GRPEL2: variants seen among roughly 807,000 people sequenced by gnomAD.
The protein encoded by GRPEL2 is grpE protein homolog 2, mitochondrial.
A neutral mutation model predicts 25.9 loss-of-function variants in GRPEL2; 18 were observed. The ratio of observed to expected loss-of-function variants is 0.70; its 90% CI spans 0.48 to 1.03. The LOEUF is 1.03. GRPEL2 is among the 50% of genes least tolerant of loss of function. The probability of loss-of-function intolerance (pLI) is 0.00; values close to 1 mark genes in which losing one functional copy is unlikely to be tolerated. For missense variants in GRPEL2, 247 were observed against 276.2 expected (o/e 0.89, Z 0.75); for synonymous variants, 106 against 107.9 (o/e 0.98, Z 0.11).
In GRPEL2 at chr5:149,348,271, G is replaced by C. The variant is rs773174257; in HGVS notation, c.78-1G>C. 1.3e-6 allele frequency: 2 copies of C among 1,588,924 alleles called. No homozygotes were observed. Among genetic ancestry groups the C allele is most frequent in the East Asian group, 4.5e-5 (2 of 44,490 alleles). ...TATGTGCCACCTCCTTCCTGTTTTA[G>C]GGGATGGCCGCTTCCATTCAGCACT... On this transcript the variant is annotated splice_acceptor_variant, in intron 1 of 3. Coordinates refer to ENST00000329271, the MANE Select transcript of GRPEL2 (RefSeq NM_152407.4). LOFTEE classifies it high-confidence loss of function.
Position 149,351,178 on chromosome 5 carries a change from C to G in GRPEL2, c.574C>G (p.Pro192Ala). ...TGTGCCAGCTGGTGTTGGGGTGCAGCCTGGCACCGTGGCATTAGTAAGACA... is the reference window on the plus strand; with the variant it reads ...TGTGCCAGCTGGTGTTGGGGTGCAGGCTGGCACCGTGGCATTAGTAAGACA... ...CHVPAGVGVQPGTVALVRQDG... is the reference protein window; with the variant it reads ...CHVPAGVGVQAGTVALVRQDG... The change falls in exon 4 of 4, where the codon CCT (proline) becomes GCT (alanine). Residue 192 changes from proline (P) to alanine (A), a missense_variant. Physicochemically the swap from Pro to Ala is conservative, Grantham distance 27 (BLOSUM62 -1). Transcript: ENST00000329271. 1 of 1,614,164 alleles carries G rather than the reference C, an allele frequency of 6.2e-7. No individual in the cohort carries two copies. The highest frequency in any genetic ancestry group is 8.5e-7 in the Non-Finnish European group (1 of 1,180,028).
In GRPEL2 at chr5:149,348,316, G is replaced by A; in HGVS notation, c.122G>A (p.Gly41Asp). ...AGCACTGCCACCCAGAGAACTGCTG[G>A]TGAGGACTGCCGTTCTGAGGACCCT... ...PFSTATQRTA[G>D]EDCRSEDPPD... is the part of the protein sequence containing the mutation. The change falls in exon 2 of 4, where the codon GGT becomes GAT. Residue 41 changes from glycine (G) to aspartate (D), a missense_variant. Gly to Asp is a moderately conservative substitution (Grantham distance 94). Coordinates refer to ENST00000329271, the MANE Select transcript of GRPEL2 (RefSeq NM_152407.4). 1 of 1,612,674 alleles carries A rather than the reference G, an allele frequency of 6.2e-7. No individual in the cohort carries two copies. Among genetic ancestry groups the A allele is most frequent in the Non-Finnish European group, 8.5e-7 (1 of 1,179,734 alleles).
intron 3 of GRPEL2, chr5:149,349,965 AC>A: frequency 3.7e-6 from 2 of 542,850 alleles, no homozygotes; most frequent in South Asian, 2.5e-5. Flanking sequence ...AATCACTTGA[AC>A]CCAGGAGGCA....
intron 1 of GRPEL2, 67 bp downstream of exon 1, chr5:149,345,683 G>A: frequency 7.3e-7 from 1 of 1,363,872 alleles, no homozygotes. Flanking sequence ...AGCCGGGGTG[G>A]TTGTGGGCTG....
rs1757794618 is a variant in GRPEL2 at position 149,352,688 on chromosome 5, C to T, written c.*1406C>T. On this transcript the variant is annotated 3_prime_UTR_variant, in exon 4 of 4. Transcript: ENST00000329271. The stretch of plus-strand genomic sequence containing the variant: ...ATCAGTCAGATTTTAGGAAGGCAGT[C>T]AATTATGGATATTTTAATGTTGGAA... The T allele has an allele frequency of 6.6e-6, 1 of 151,978 alleles. No individual in the cohort carries two copies. Among genetic ancestry groups the T allele is most frequent in the African/African-American group, 2.4e-5 (1 of 41,344 alleles). The allele number at this position is 151,978 out of a possible 1,614,324, so 9.4% of individuals were successfully genotyped here.
At chr5:149,349,078 C>T (rs1757734955) in intron 2 of GRPEL2, among the ~76,000 whole-genome samples, 1 of 152,054 alleles carries the variant, frequency 6.6e-6, no homozygotes, top group African/African-American at 2.4e-5. Flanking sequence ...TCACTGCAAC[C>T]TCTGCCTCCC....
At position 149,352,833 on chromosome 5, in the gene GRPEL2, G is replaced by A. The variant is rs568830242; in HGVS notation, c.*1551G>A. The A allele has an allele frequency of 6.6e-6, 1 of 152,206 alleles. No homozygotes were observed. Among genetic ancestry groups the A allele is most frequent in the South Asian group, 2.1e-4 (1 of 4,822 alleles). 9.4% of individuals were successfully genotyped at this position (152,206 alleles called of 1,614,324 possible). A position where few individuals can be genotyped will look rare whatever the true frequency, so the allele number is the denominator to read the frequency against. On this transcript the variant is annotated 3_prime_UTR_variant, in exon 4 of 4. Coordinates refer to ENST00000329271, the MANE Select transcript of GRPEL2 (RefSeq NM_152407.4). The stretch of plus-strand genomic sequence containing the variant: ...ATTGACTAAATTCCAGTGAGAGTAT[G>A]AATGAAGAACAACTAGATATTAATG...
chr5:149,351,147 C>T lies in GRPEL2; in HGVS notation c.543C>T (p.Ile181=), dbSNP rs1348179830. The T allele has an allele frequency of 1.2e-6, 2 of 1,614,098 alleles. No individual in the cohort carries two copies. Among genetic ancestry groups the T allele is most frequent in the East Asian group, 2.2e-5 (1 of 44,896 alleles). Residue 181 remains isoleucine, a synonymous_variant, in exon 4 of 4, where the codon ATC becomes ATT. Transcript: ENST00000329271. ...ATGACCCCCATGAGCATGAACTCAT[C>T]TGTCATGTGCCAGCTGGTGTTGGGG... ...DKYDPHEHEL[I]CHVPAGVGVQ...
At chr5:149,350,744 T>C (rs913731511) in intron 3 of GRPEL2, among the ~76,000 whole-genome samples, 174 bp from the exon 4 acceptor site, 3 of 152,218 alleles carry the variant, frequency 2.0e-5, no homozygotes, top group Non-Finnish European at 2.9e-5. Context: ...AGACACTGAC[T>C]TGTCAGTTGG....
chr5:149,345,550 G>T lies in GRPEL2; in HGVS notation c.11G>T (p.Arg4Leu), dbSNP rs11538722. The T allele has an allele frequency of 2.5e-6, 4 of 1,611,518 alleles. No homozygotes were observed. The African/African-American group carries it at 4.0e-5, about 16-fold the overall frequency. Residue 4 changes from arginine to leucine, a missense_variant, in exon 1 of 4, where the codon CGG (arginine) becomes CTG (leucine). Transcript: ENST00000329271. ...GCCCAAATTGGAAACATGGCCGTAC[G>T]GTCGCTGTGGGCGGGCCGGCTGCGG... MAVRSLWAGRLRVQ... is the reference protein window; with the variant it reads MAVLSLWAGRLRVQ...
intron 1 of GRPEL2, among the ~76,000 whole-genome samples, chr5:149,347,661 A>G (rs549838425): frequency 7.2e-5 from 11 of 152,378 alleles, no homozygotes; most frequent in Non-Finnish European, 1.0e-4. Context: ...ATAGTATTGT[A>G]TAAGTATTTC....
chr5:149,348,475 T>A, intron 2 of GRPEL2, 50 bp downstream of exon 2: 1 of 1,470,176 alleles, frequency 6.8e-7, no homozygotes, highest in Non-Finnish European at 9.2e-7. Flanking sequence ...AGTTTAAATA[T>A]CCACATAAAG....
chr5:149,353,338 G>A lies in GRPEL2; in HGVS notation c.*2056G>A, dbSNP rs1759613588. On this transcript the variant is annotated 3_prime_UTR_variant, in exon 4 of 4. Coordinates refer to ENST00000329271, the MANE Select transcript of GRPEL2 (RefSeq NM_152407.4). ...GAGATTTGACAGATGGTGACAATAA[G>A]AAAATGAGCTGATTGTAATTACTCT... 2.6e-5 allele frequency: 4 copies of A among 152,346 alleles called. No individual in the cohort carries two copies. In the South Asian group the frequency reaches 8.3e-4, roughly 32 times the overall value. 9.4% of individuals were successfully genotyped at this position (152,346 alleles called of 1,614,324 possible).
Position 149,345,602 on chromosome 5 carries a change from C to G in GRPEL2, c.63C>G (p.Ala21=). 1 of 1,610,464 alleles carries G rather than the reference C, an allele frequency of 6.2e-7. No homozygotes were observed. Among genetic ancestry groups the G allele is most frequent in the Non-Finnish European group, 8.5e-7 (1 of 1,178,764 alleles). ...TGCAGCGCCTACTGGCCTGGAGTGC[C>G]GCGTGGGAGAGCAAGTAAGCATTGC... ...LRVQRLLAWS[A]AWESKGWPLP... is the part of the protein sequence containing the mutation. Residue 21 remains alanine, a synonymous_variant, in exon 1 of 4, where the codon GCC becomes GCG. Transcript: ENST00000329271.
chr5:149,345,553 C>G lies in GRPEL2; in HGVS notation c.14C>G (p.Ser5Trp). ...CAAATTGGAAACATGGCCGTACGGT[C>G]GCTGTGGGCGGGCCGGCTGCGGGTG... MAVR[S>W]LWAGRLRVQR... The change falls in exon 1 of 4, where the codon TCG (serine) becomes TGG (tryptophan). Residue 5 changes from serine to tryptophan, a missense_variant. Ser to Trp is a radical substitution (Grantham distance 177, BLOSUM62 -3). Transcript: ENST00000329271. The G allele has an allele frequency of 1.2e-6, 2 of 1,611,614 alleles. No individual in the cohort carries two copies. The highest frequency in any genetic ancestry group is 1.7e-6 in the Non-Finnish European group (2 of 1,179,138).
At chr5:149,345,644 G>C in intron 1 of GRPEL2, 28 bp downstream of exon 1, 1 of 1,574,256 alleles carries the variant, frequency 6.4e-7, no homozygotes, top group African/African-American at 1.4e-5. Context: ...GGAGTCGGGA[G>C]CGTGAGGACT....
chr5:149,348,152 A>G, intron 1 of GRPEL2, 120 bp from the exon 2 acceptor site: 4 of 873,790 alleles, frequency 4.6e-6, no homozygotes, highest in East Asian at 2.6e-5. Flanking sequence ...ATTTGTTACT[A>G]TAACTGAAAA....
At position 149,348,355 on chromosome 5, in the gene GRPEL2, G is replaced by A. The variant is rs139145814; in HGVS notation, c.161G>A (p.Gly54Glu). 242 of 1,613,448 alleles carry A rather than the reference G, an allele frequency of 1.5e-4. 3 individuals carry two copies. The East Asian group carries it at 4.8e-3, about 32-fold the overall frequency. Residue 54 changes from glycine (G) to glutamate (E), a missense_variant, in exon 2 of 4, where the codon GGG becomes GAG. Around this residue, in one of 2 missense-constraint regions of GRPEL2, gnomAD observed 125 missense variants for 107.0 expected, o/e 1.17. Coordinates refer to ENST00000329271, the MANE Select transcript of GRPEL2 (RefSeq NM_152407.4). ...TCTGAGGACCCTCCTGATGAGCTTG[G>A]GCCCCCTCTTGCTGAACGAGCCTTA... Reference protein sequence around the residue: ...CRSEDPPDELGPPLAERALRV... With the variant: ...CRSEDPPDELEPPLAERALRV...
intron 1 of GRPEL2, among the ~76,000 whole-genome samples, chr5:149,346,777 G>A (rs1757697272): frequency 8.7e-6 from 1 of 114,614 alleles, no homozygotes; most frequent in Non-Finnish European, 1.6e-5. Flanking sequence ...TCACTCTGTC[G>A]CCCAGGCTGG....
Sources: gnomAD v4.1 joint callset for allele counts (sites outside exome capture counted in the v4.1 genomes callset) on GRCh38, gnomAD v4.1.1 for gene constraint, gnomAD v4.1.1 regional missense constraint, MANE v1.5 for transcripts, NCBI Gene and HGNC (gene_info 2026-07-23, HGNC 2026-07-21) for gene names.